ZNF717: variants seen among roughly 807,000 people sequenced by gnomAD.
The protein encoded by ZNF717 is zinc finger protein 717.
A neutral mutation model predicts 13.8 loss-of-function variants in ZNF717; 9 were observed. That is an observed-to-expected ratio of 0.65 (90% CI 0.39 to 1.14). The LOEUF (loss-of-function observed/expected upper bound fraction) is 1.14, where lower values mean the gene tolerates loss of function less well. Among genes scored for constraint, ZNF717 ranks in the 50% most tolerant of loss-of-function variants. The pLI is 0.01. For missense variants in ZNF717, 1,040 were observed against 1,080.7 expected (o/e 0.96, Z 0.53); for synonymous variants, 327 against 364.1 (o/e 0.90, Z 1.16).
chr3:75,741,233 C>T (rs749256968), intron 4 of ZNF717, 43 bp downstream of exon 4: 20 of 1,230,078 alleles, frequency 1.6e-5, no homozygotes, highest in Middle Eastern at 1.9e-4. Context: ...ATTTGCTGGG[C>T]ATTACTCCTC....
At position 75,736,653 on chromosome 3, in the gene ZNF717, G is replaced by T; in HGVS notation, c.*225C>A. 1.9e-6 allele frequency: 1 copy of T among 518,800 alleles called. No homozygotes were observed. Among genetic ancestry groups the T allele is most frequent in the Admixed American group, 3.4e-5 (1 of 29,508 alleles). 32.1% of individuals were successfully genotyped at this position (518,800 alleles called of 1,614,324 possible). Reference sequence around the variant, plus strand: ...GAAATGTTTGAAGCTGGCAGAGGTTGGTATATGAGCTTCTAGGAAAACAGC... The same window carrying T: ...GAAATGTTTGAAGCTGGCAGAGGTTTGTATATGAGCTTCTAGGAAAACAGC... On this transcript the variant is annotated 3_prime_UTR_variant, in exon 5 of 5. Transcript: ENST00000652011.
chr3:75,784,459 C>T (rs1427696120), intron 1 of ZNF717, among the ~76,000 whole-genome samples: 2 of 152,146 alleles, frequency 1.3e-5, no homozygotes, highest in Non-Finnish European at 2.9e-5. Flanking sequence ...CAATCTAATG[C>T]TAAAGCTAAA....
intron 2 of ZNF717, among the ~76,000 whole-genome samples, chr3:75,772,801 C>A (rs1311995866): frequency 6.6e-6 from 1 of 152,246 alleles, no homozygotes; most frequent in African/African-American, 2.4e-5. Context: ...AAAGGCGGCA[C>A]CAGCCAGAGG....
At chr3:75,701,767 G>A (rs1228062414) in intron 6 of ZNF717, among the ~76,000 whole-genome samples, 2 of 152,292 alleles carry the variant, frequency 1.3e-5, no homozygotes, top group Non-Finnish European at 2.9e-5. Context: ...ACAATATATT[G>A]AGTTCAAAAA....
At chr3:75,778,828 T>C (rs934492051) in intron 2 of ZNF717, among the ~76,000 whole-genome samples, 1 of 138,386 alleles carries the variant, frequency 7.2e-6, no homozygotes, top group Non-Finnish European at 1.5e-5. Flanking sequence ...CCCAAAATAA[T>C]GGGAGTGAGG....
chr3:75,757,869 C>G (rs1283324742), intron 2 of ZNF717, among the ~76,000 whole-genome samples: 2 of 151,274 alleles, frequency 1.3e-5, no homozygotes, highest in Non-Finnish European at 2.9e-5. Flanking sequence ...AATCCCAGCA[C>G]TTTGGGAGGC....
intron 2 of ZNF717, among the ~76,000 whole-genome samples, chr3:75,763,991 T>C (rs1247260496): frequency 2.6e-5 from 4 of 152,140 alleles, no homozygotes; most frequent in African/African-American, 4.8e-5. Context: ...GGTGACAAGT[T>C]TGCAAAATCT....
intron 2 of ZNF717, among the ~76,000 whole-genome samples, chr3:75,750,384 A>AGCGCC (rs1941646203): frequency 1.6e-5 from 2 of 124,808 alleles, no homozygotes; most frequent in Non-Finnish European, 3.4e-5. Context: ...TTCCAGAACT[A>AGCGCC]TGTTACGAGA....
At chr3:75,733,073 C>T (rs138170296), downstream of ZNF717, among the ~76,000 whole-genome samples, 1 of 152,092 alleles carries the variant, frequency 6.6e-6, no homozygotes, top group Non-Finnish European at 1.5e-5. Flanking sequence ...AAAAAAAATA[C>T]TGCAAAAGAC....
intron 4 of ZNF717, among the ~76,000 whole-genome samples, chr3:75,721,572 C>T (rs76474818): frequency 0.012 from 1,817 of 152,328 alleles, 22 homozygotes; most frequent in Middle Eastern, 0.024. Flanking sequence ...TGAGCCCCCA[C>T]GCCTGGCCTG....
intron 4 of ZNF717, among the ~76,000 whole-genome samples, chr3:75,719,308 AAC>A (rs1320431315): frequency 6.6e-6 from 1 of 151,388 alleles, no homozygotes; most frequent in African/African-American, 2.4e-5. Context: ...AGAATATTAA[AAC>A]AGATACTGTG....
At chr3:75,713,388 C>T (rs1478962096) in intron 5 of ZNF717, among the ~76,000 whole-genome samples, 29 of 152,132 alleles carry the variant, frequency 1.9e-4, no homozygotes, top group African/African-American at 6.7e-4. Context: ...TGGGCTCAAG[C>T]GATCCACCCA....
chr3:75,734,555 C>T (rs1366102926), downstream of ZNF717, among the ~76,000 whole-genome samples: 1 of 151,454 alleles, frequency 6.6e-6, no homozygotes, highest in Admixed American at 6.6e-5. Flanking sequence ...GCCTCAGCCT[C>T]CCGAGTAGCT....
At chr3:75,772,635 T>G (rs1161230059) in intron 2 of ZNF717, among the ~76,000 whole-genome samples, 1 of 152,220 alleles carries the variant, frequency 6.6e-6, no homozygotes, top group Admixed American at 6.5e-5. Flanking sequence ...ACAGCTGGCA[T>G]GCTTGGCTGT....
rs1315912030 is a variant in ZNF717, at chr3:75,751,086, T to C, written c.58-9350A>G. 2.6e-5 allele frequency among the ~76,000 whole-genome samples: 4 copies of C among 151,782 alleles called. No individual in the cohort carries two copies. The East Asian group carries it at 7.7e-4, about 29-fold the overall frequency. ...GGGTTCTGAGTATTTGTTCCTCACATAGGATTCCAGAAAACTGCTATGAGG... is the reference window on the plus strand; with the variant it reads ...GGGTTCTGAGTATTTGTTCCTCACACAGGATTCCAGAAAACTGCTATGAGG... On this transcript the variant is annotated intron_variant, in intron 2 of 4. Coordinates refer to ENST00000652011, the MANE Select transcript of ZNF717 (RefSeq NM_001290208.3).
At chr3:75,700,706 T>A (rs1253242416) in intron 6 of ZNF717, among the ~76,000 whole-genome samples, 1 of 152,386 alleles carries the variant, frequency 6.6e-6, no homozygotes, top group East Asian at 1.9e-4. Context: ...GGTTTTGTAA[T>A]CAATAGGGCT....
intron 2 of ZNF717, among the ~76,000 whole-genome samples, chr3:75,766,897 A>G (rs187913727): frequency 7.4e-4 from 112 of 152,308 alleles, no homozygotes; most frequent in South Asian, 8.3e-4. Flanking sequence ...TGAGTCAAAA[A>G]AAGTATTCAC....
chr3:75,774,411 T>G (rs1944145138), intron 2 of ZNF717, among the ~76,000 whole-genome samples: 1 of 152,066 alleles, frequency 6.6e-6, no homozygotes, highest in Non-Finnish European at 1.5e-5. Context: ...TTCAAAACTG[T>G]CTTCTCTGAC....
downstream of ZNF717, among the ~76,000 whole-genome samples, chr3:75,732,572 T>C (rs1938663337): frequency 1.3e-5 from 2 of 152,220 alleles, no homozygotes; most frequent in Admixed American, 1.3e-4. Context: ...TCTTTGTCCA[T>C]TTCAACATGA....
Sources: gnomAD v4.1 joint callset for allele counts (sites outside exome capture counted in the v4.1 genomes callset) on GRCh38, gnomAD v4.1.1 for gene constraint, MANE v1.5 for transcripts, NCBI Gene and HGNC (gene_info 2026-07-23, HGNC 2026-07-21) for gene names.